LPXN: variants seen among roughly 807,000 people sequenced by gnomAD.
LPXN encodes the protein leupaxin.
In LPXN, 28 loss-of-function variants were observed where a neutral mutation model predicts 45.6. The ratio of observed to expected loss-of-function variants is 0.61; its 90% CI spans 0.45 to 0.84. The LOEUF is 0.84. Ranked by LOEUF, LPXN falls within the 40% of genes least tolerant of loss-of-function variation. The pLI is 0.00. For synonymous variants in LPXN, 166 were observed against 169.9 expected (o/e 0.98, Z 0.18); for missense variants, 459 against 475.0 (o/e 0.97, Z 0.31).
At chr11:58,549,122 G>A (rs753496420) in intron 7 of LPXN, among the ~76,000 whole-genome samples, 6 of 152,188 alleles carry the variant, frequency 3.9e-5, no homozygotes, top group Non-Finnish European at 8.8e-5. Context: ...CAGGCCAGGC[G>A]CAGTAGTTCA....
At chr11:58,543,111 TC>T (rs1853778086) in intron 7 of LPXN, among the ~76,000 whole-genome samples, 1 of 152,160 alleles carries the variant, frequency 6.6e-6, no homozygotes, top group Non-Finnish European at 1.5e-5. Context: ...TCACTCTCTC[TC>T]TCGCCATGCA....
chr11:58,553,887 G>A (rs778336877), intron 4 of LPXN: 3 of 152,160 alleles, frequency 2.0e-5, no homozygotes, highest in Non-Finnish European at 4.4e-5. Flanking sequence ...CTAGAACAAA[G>A]AGGCAGATTT....
rs1224511996 is a variant in LPXN, at chr11:58,573,934, T to G, written c.13+1826A>C. Among the ~76,000 whole-genome samples, 4 of 152,236 alleles carry G rather than the reference T, an allele frequency of 2.6e-5. No individual in the cohort carries two copies. In the East Asian group the frequency reaches 7.7e-4, roughly 29 times the overall value. On this transcript the variant is annotated intron_variant, in intron 1 of 8. Coordinates refer to ENST00000395074, the MANE Select transcript of LPXN (RefSeq NM_004811.3). ...ATGCCTAATGCCTACGTAATGAGGG[T>G]TTAGGTAAAACCTTCTGGGTGTATA...
chr11:58,568,480 G>C (rs913887038), intron 2 of LPXN, among the ~76,000 whole-genome samples: 1 of 151,974 alleles, frequency 6.6e-6, no homozygotes, highest in African/African-American at 2.4e-5. Context: ...GTGCATGCCT[G>C]TAGTCCCAGA....
At chr11:58,573,242 G>A (rs1447082899) in intron 1 of LPXN, among the ~76,000 whole-genome samples, 2 of 113,052 alleles carry the variant, frequency 1.8e-5, no homozygotes, top group Admixed American at 1.8e-4. Flanking sequence ...GCAAAACTCC[G>A]TCTCAAAAAA....
intron 3 of LPXN, among the ~76,000 whole-genome samples, chr11:58,563,721 A>T (rs1590576424): frequency 6.6e-6 from 1 of 152,256 alleles, no homozygotes; most frequent in East Asian, 1.9e-4. Flanking sequence ...TATGGAAAGA[A>T]AAAGTAAATA....
chr11:58,542,498 C>A (rs1444749911), intron 7 of LPXN, among the ~76,000 whole-genome samples: 1 of 151,372 alleles, frequency 6.6e-6, no homozygotes, highest in Non-Finnish European at 1.5e-5. Context: ...TTAATTAATA[C>A]AAATAATTCA....
chr11:58,561,743 C>CA (rs1378352141), intron 3 of LPXN, among the ~76,000 whole-genome samples: 2 of 152,148 alleles, frequency 1.3e-5, no homozygotes, highest in African/African-American at 4.8e-5. Context: ...TGTGCTTATT[C>CA]AAAGAATTCC....
At chr11:58,577,870 G>C (rs1854951243), upstream of LPXN, 1 of 945,490 alleles carries the variant, frequency 1.1e-6, no homozygotes, top group Admixed American at 3.2e-5. Context: ...AGGTCTAGTA[G>C]AAAAGCAACT....
intron 1 of LPXN, among the ~76,000 whole-genome samples, chr11:58,575,414 G>A (rs557115821): frequency 5.9e-5 from 9 of 151,890 alleles, no homozygotes; most frequent in African/African-American, 1.9e-4. Flanking sequence ...GCATTGTCTC[G>A]CTATGTGGCC....
chr11:58,551,907 C>T (rs773374297), intron 4 of LPXN, among the ~76,000 whole-genome samples: 22 of 152,062 alleles, frequency 1.4e-4, no homozygotes, highest in Middle Eastern at 3.4e-3. Context: ...GGGAAGGCCC[C>T]GAGGAATAAA....
At chr11:58,540,961 G>T (rs908292609) in intron 7 of LPXN, among the ~76,000 whole-genome samples, 25 of 152,132 alleles carry the variant, frequency 1.6e-4, no homozygotes, top group Admixed American at 9.2e-4. Flanking sequence ...TTTAATAAAT[G>T]GTGCTGGGAA....
At chr11:58,563,394 T>G (rs1854435220) in intron 3 of LPXN, among the ~76,000 whole-genome samples, 1 of 152,210 alleles carries the variant, frequency 6.6e-6, no homozygotes, top group African/African-American at 2.4e-5. Context: ...GCACAGTTCT[T>G]GCCTTATTTT....
At chr11:58,553,396 C>T (rs923884703) in intron 4 of LPXN, among the ~76,000 whole-genome samples, 1 of 147,026 alleles carries the variant, frequency 6.8e-6, no homozygotes, top group Non-Finnish European at 1.5e-5. Context: ...AACCAATACA[C>T]AAGCTAAATC....
intron 3 of LPXN, among the ~76,000 whole-genome samples, chr11:58,560,177 T>C (rs1448642604): frequency 6.6e-6 from 1 of 152,214 alleles, no homozygotes; most frequent in Non-Finnish European, 1.5e-5. Flanking sequence ...GGAAAATAGC[T>C]AACACACATG....
rs1013571093 is a variant in LPXN, at chr11:58,552,570, C to T, written c.319-1338G>A. ...TTATTAATACTATGTTGTAAAAGGACAGCTGGGCTCTTCATCTCCTGAATG... is the reference window on the plus strand; with the variant it reads ...TTATTAATACTATGTTGTAAAAGGATAGCTGGGCTCTTCATCTCCTGAATG... On this transcript the variant is annotated intron_variant, in intron 4 of 8. Transcript: ENST00000395074. Among the ~76,000 whole-genome samples the T allele has an allele frequency of 5.9e-5, 9 of 152,182 alleles. No homozygotes were observed. In the South Asian group the frequency reaches 1.9e-3, roughly 32 times the overall value.
intron 4 of LPXN, 51 bp downstream of exon 4, chr11:58,554,790 T>C: frequency 7.0e-7 from 1 of 1,422,382 alleles, no homozygotes; most frequent in Non-Finnish European, 9.6e-7. Flanking sequence ...GCCCTGTTTA[T>C]CATCTGGACT....
At chr11:58,533,941 T>C (rs1018065465) in intron 7 of LPXN, among the ~76,000 whole-genome samples, 3 of 152,124 alleles carry the variant, frequency 2.0e-5, no homozygotes, top group South Asian at 4.1e-4. Context: ...CATTACATAA[T>C]GGTAAAGGGA....
intron 1 of LPXN, among the ~76,000 whole-genome samples, chr11:58,575,089 T>C (rs914595452): frequency 1.3e-5 from 2 of 152,176 alleles, no homozygotes; most frequent in African/African-American, 4.8e-5. Flanking sequence ...AATCCAGGAT[T>C]TCTCTGGTTA....
Sources: gnomAD v4.1 joint callset for allele counts (sites outside exome capture counted in the v4.1 genomes callset) on GRCh38, gnomAD v4.1.1 for gene constraint, MANE v1.5 for transcripts, NCBI Gene and HGNC (gene_info 2026-07-23, HGNC 2026-07-21) for gene names.